The following PLCL1 variants were observed in gnomAD, a reference collection of about 807,000 sequenced individuals.
PLCL1 encodes the protein inactive phospholipase C-like protein 1.
In PLCL1, 41 loss-of-function variants were observed where a neutral mutation model predicts 84.4. That is an observed-to-expected ratio of 0.49 (90% CI 0.38 to 0.63). The LOEUF is 0.63. Among genes scored for constraint, PLCL1 ranks in the 30% least tolerant of loss-of-function variants. PLCL1 has a pLI of 0.00. For synonymous variants in PLCL1, 490 were observed against 488.3 expected (o/e 1.00, Z -0.05); for missense variants, 1,206 against 1,367.8 (o/e 0.88, Z 1.87).
At chr2:198,089,165 C>T (rs1692959555) in intron 3 of PLCL1, 104 bp downstream of exon 3, 1 of 807,932 alleles carries the variant, frequency 1.2e-6, no homozygotes. Flanking sequence ...AGGGTGACTA[C>T]CTTTGAAACA....
intron 1 of PLCL1, among the ~76,000 whole-genome samples, chr2:198,067,019 G>T (rs1029220535): frequency 6.6e-6 from 1 of 151,912 alleles, no homozygotes; most frequent in African/African-American, 2.4e-5. Flanking sequence ...TATATATCCA[G>T]CTCAGTGCTT....
intron 1 of PLCL1, among the ~76,000 whole-genome samples, chr2:197,957,145 C>T (rs911372412): frequency 2.6e-5 from 4 of 152,044 alleles, no homozygotes; most frequent in African/African-American, 9.7e-5. Flanking sequence ...TAATTCCATA[C>T]ATTTTTTTCC....
chr2:197,844,502 C>A (rs1687082692), intron 1 of PLCL1, among the ~76,000 whole-genome samples: 1 of 152,096 alleles, frequency 6.6e-6, no homozygotes, highest in Non-Finnish European at 1.5e-5. Context: ...TATTCTGCAT[C>A]TTAAATGATT....
chr2:198,055,729 A>G (rs1220214678), intron 1 of PLCL1, among the ~76,000 whole-genome samples: 1 of 152,160 alleles, frequency 6.6e-6, no homozygotes, highest in Non-Finnish European at 1.5e-5. Context: ...GATTTTTATG[A>G]TAAGGATTGT....
chr2:197,966,564 T>TC (rs1048957133), intron 1 of PLCL1, among the ~76,000 whole-genome samples: 13 of 152,118 alleles, frequency 8.5e-5, no homozygotes, highest in African/African-American at 3.1e-4. Context: ...CACTGTGCTC[T>TC]CCCTTCCCCA....
At chr2:198,000,853 T>C (rs564539697) in intron 1 of PLCL1, among the ~76,000 whole-genome samples, 1 of 152,244 alleles carries the variant, frequency 6.6e-6, no homozygotes, top group South Asian at 2.1e-4. Context: ...TCATAAAAAA[T>C]ATGCACAGTT....
chr2:198,068,327 C>T (rs941953188), intron 1 of PLCL1, among the ~76,000 whole-genome samples: 1 of 152,046 alleles, frequency 6.6e-6, no homozygotes, highest in African/African-American at 2.4e-5. Context: ...AAAGATGAAA[C>T]ATTATTTTGA....
intron 5 of PLCL1, among the ~76,000 whole-genome samples, chr2:198,117,243 A>G (rs982452354): frequency 6.6e-6 from 1 of 151,744 alleles, no homozygotes; most frequent in Non-Finnish European, 1.5e-5. Flanking sequence ...AATATACTGG[A>G]TGCCCTGAAA....
In PLCL1 at chr2:198,084,532, T is replaced by G. The variant is rs1485192457; in HGVS notation, c.1015T>G (p.Leu339Val). ...GGATGCCAATGATCTCATGCTCTTTTTAGAAGCTGAGCAAGGAGTCACCCA... is the reference window on the plus strand; with the variant it reads ...GGATGCCAATGATCTCATGCTCTTTGTAGAAGCTGAGCAAGGAGTCACCCA... ...YLDANDLMLF[L>V]EAEQGVTHIT... The change falls in exon 2 of 6, where the codon TTA becomes GTA. Residue 339 changes from leucine (L) to valine (V), a missense_variant. Transcript: ENST00000428675. 2 of 1,614,140 alleles carry G rather than the reference T, an allele frequency of 1.2e-6. No individual in the cohort carries two copies. The highest frequency in any genetic ancestry group is 1.7e-6 in the Non-Finnish European group (2 of 1,179,964).
chr2:197,821,113 C>T (rs948006049), intron 1 of PLCL1, among the ~76,000 whole-genome samples: 6 of 152,038 alleles, frequency 3.9e-5, no homozygotes, highest in African/African-American at 1.4e-4. Context: ...TCTCTTTTTT[C>T]CCCCTATCAT....
intron 1 of PLCL1, among the ~76,000 whole-genome samples, chr2:198,034,249 G>T (rs1022796406): frequency 2.6e-5 from 4 of 152,086 alleles, no homozygotes; most frequent in East Asian, 3.9e-4. Context: ...GCGATGTTTG[G>T]TTTTTTGTCT....
intron 1 of PLCL1, among the ~76,000 whole-genome samples, chr2:197,869,618 G>A (rs777352789): frequency 1.3e-5 from 2 of 152,124 alleles, no homozygotes; most frequent in Non-Finnish European, 2.9e-5. Flanking sequence ...CAACTGCCAC[G>A]GGTGGTACAG....
Position 198,146,907 on chromosome 2 carries a change from G to A in PLCL1, c.3233G>A (p.Arg1078His), listed in dbSNP as rs201915547. ...AGCAGTGCTGAGGCCAAGAGCAAGC[G>A]CAGCCTGGAAGCCATAGAGGAGAAG... ...PSSSAEAKSK[R>H]SLEAIEEKES... The change falls in exon 6 of 6, where the codon CGC (arginine) becomes CAC (histidine). Residue 1078 changes from arginine (R) to histidine (H), a missense_variant. Physicochemically the swap from Arg to His is conservative, Grantham distance 29 (BLOSUM62 0). Coordinates refer to ENST00000428675, the MANE Select transcript of PLCL1 (RefSeq NM_006226.4). 153 of 1,613,040 alleles carry A rather than the reference G, an allele frequency of 9.5e-5. 1 individual carries two copies. Among genetic ancestry groups the A allele is most frequent in the Middle Eastern group, 1.6e-4 (1 of 6,066 alleles).
intron 1 of PLCL1, among the ~76,000 whole-genome samples, chr2:197,868,012 A>C (rs1687580960): frequency 6.6e-6 from 1 of 152,194 alleles, no homozygotes; most frequent in South Asian, 2.1e-4. Flanking sequence ...TCCTGTAGGT[A>C]AAATACCAAA....
At chr2:198,019,615 T>A (rs1691085263) in intron 1 of PLCL1, among the ~76,000 whole-genome samples, 1 of 152,020 alleles carries the variant, frequency 6.6e-6, no homozygotes, top group South Asian at 2.1e-4. Flanking sequence ...GCTGAATTGA[T>A]CAAGTGAAAG....
intron 1 of PLCL1, among the ~76,000 whole-genome samples, chr2:197,921,694 A>C (rs1007378012): frequency 1.7e-4 from 26 of 152,300 alleles, no homozygotes; most frequent in African/African-American, 6.3e-4. Context: ...ACCTTTGATC[A>C]CACCGTCTCT....
intron 1 of PLCL1, among the ~76,000 whole-genome samples, chr2:197,983,190 C>CTTTTT (rs1445206643): frequency 1.2e-4 from 8 of 66,070 alleles, no homozygotes; most frequent in African/African-American, 3.7e-4. Flanking sequence ...TTTTCTTTTT[C>CTTTTT]TTTTCTTTTC....
At chr2:197,916,737 C>T (rs910941770) in intron 1 of PLCL1, among the ~76,000 whole-genome samples, 1 of 151,530 alleles carries the variant, frequency 6.6e-6, no homozygotes, top group Non-Finnish European at 1.5e-5. Context: ...GACTCTGATG[C>T]CCGGTGCCCA....
chr2:197,884,652 G>A (rs1687886247), intron 1 of PLCL1, among the ~76,000 whole-genome samples: 1 of 152,088 alleles, frequency 6.6e-6, no homozygotes, highest in African/African-American at 2.4e-5. Context: ...AAAATTTGAG[G>A]TTCATTCACC....
Sources: gnomAD v4.1 joint callset for allele counts (sites outside exome capture counted in the v4.1 genomes callset) on GRCh38, gnomAD v4.1.1 for gene constraint, MANE v1.5 for transcripts, NCBI Gene and HGNC (gene_info 2026-07-23, HGNC 2026-07-21) for gene names.